Variants in RUNX2 observed in about 807,000 individuals in gnomAD.
RUNX2 encodes runt-related transcription factor 2.
In RUNX2, 10 loss-of-function variants were observed where a neutral mutation model predicts 51.7. The observed-to-expected ratio is 0.19, with a 90% CI of 0.12 to 0.33. RUNX2 has a LOEUF of 0.33. RUNX2 is among the 10% of genes least tolerant of loss of function. The probability of loss-of-function intolerance (pLI) is 1.00; values close to 1 mark genes in which losing one functional copy is unlikely to be tolerated. For missense variants in RUNX2, 562 were observed against 691.3 expected (o/e 0.81, Z 2.10); for synonymous variants, 276 against 273.6 (o/e 1.01, Z -0.09).
intron 2 of RUNX2, among the ~76,000 whole-genome samples, chr6:45,404,806 T>C (rs1797797931): frequency 6.6e-6 from 1 of 152,238 alleles, no homozygotes; most frequent in Non-Finnish European, 1.5e-5. Context: ...GCTCCCTTCA[T>C]GAATGTATTT....
At chr6:45,535,559 G>C (rs1300073687) in intron 7 of RUNX2, among the ~76,000 whole-genome samples, 1 of 151,520 alleles carries the variant, frequency 6.6e-6, no homozygotes, top group Non-Finnish European at 1.5e-5. Context: ...AGCCGAGATT[G>C]CGCCACTGCA....
chr6:45,372,551 G>C (rs1796230916), intron 2 of RUNX2, among the ~76,000 whole-genome samples: 1 of 152,056 alleles, frequency 6.6e-6, no homozygotes, highest in African/African-American at 2.4e-5. Context: ...ATTTATATTT[G>C]TATGTTATTT....
chr6:45,532,905 C>CT (rs10706582), intron 7 of RUNX2, among the ~76,000 whole-genome samples: 14,021 of 125,802 alleles, frequency 0.11, 943 homozygotes, highest in Non-Finnish European at 0.15. Flanking sequence ...AGACCGGGCT[C>CT]TTTTTTTTTT....
At chr6:45,433,684 ATATT>A (rs1179218762) in intron 4 of RUNX2, among the ~76,000 whole-genome samples, 3 of 152,182 alleles carry the variant, frequency 2.0e-5, no homozygotes, top group Admixed American at 1.3e-4. Flanking sequence ...AACCCTCAAC[ATATT>A]TATTTAAGAA....
intron 2 of RUNX2, among the ~76,000 whole-genome samples, chr6:45,380,307 A>T (rs1797207396): frequency 6.6e-6 from 1 of 152,242 alleles, no homozygotes. Context: ...ACATCAGGAG[A>T]CCAAGTTAAT....
chr6:45,497,482 A>G (rs1425122554), intron 6 of RUNX2, among the ~76,000 whole-genome samples: 3 of 152,020 alleles, frequency 2.0e-5, no homozygotes, highest in Non-Finnish European at 4.4e-5. Context: ...TTTTTATTTT[A>G]AATTAATATG....
chr6:45,485,989 C>G (rs1800273197), intron 5 of RUNX2, among the ~76,000 whole-genome samples: 2 of 151,920 alleles, frequency 1.3e-5, no homozygotes, highest in African/African-American at 4.8e-5. Context: ...GAATACAATA[C>G]TATCTACCCA....
intron 7 of RUNX2, among the ~76,000 whole-genome samples, chr6:45,518,783 T>C (rs1801411075): frequency 6.6e-6 from 1 of 152,214 alleles, no homozygotes; most frequent in Admixed American, 6.5e-5. Context: ...ATATATTTTA[T>C]TGAGGATTTG....
At chr6:45,400,815 A>G (rs1797701683) in intron 2 of RUNX2, among the ~76,000 whole-genome samples, 1 of 152,208 alleles carries the variant, frequency 6.6e-6, no homozygotes, top group African/African-American at 2.4e-5. Context: ...CTGCAAAACA[A>G]ACAACGTAAA....
chr6:45,406,640 A>C (rs1441765148), intron 2 of RUNX2, among the ~76,000 whole-genome samples: 4 of 152,314 alleles, frequency 2.6e-5, no homozygotes, highest in South Asian at 2.1e-4. Flanking sequence ...TCCTGGCCTC[A>C]AGTGATCCGC....
At chr6:45,351,219 T>C (rs933958393) in intron 2 of RUNX2, among the ~76,000 whole-genome samples, 23 of 152,062 alleles carry the variant, frequency 1.5e-4, no homozygotes, top group South Asian at 4.1e-4. Context: ...TGCTCTAAAT[T>C]AGTGAAAACA....
intron 2 of RUNX2, among the ~76,000 whole-genome samples, chr6:45,331,653 T>A (rs1419807388): frequency 6.6e-6 from 1 of 151,978 alleles, no homozygotes; most frequent in Non-Finnish European, 1.5e-5. Context: ...AGATTTTTAG[T>A]TTTTATTTTT....
chr6:45,428,838 CTTTTTTTTT>C (rs66878438), intron 3 of RUNX2, among the ~76,000 whole-genome samples: 1 of 131,070 alleles, frequency 7.6e-6, no homozygotes, highest in African/African-American at 2.8e-5. Flanking sequence ...GGGCAGATTG[CTTTTTTTTT>C]TTTTTTTTCG....
At chr6:45,330,375 G>C (rs1288851775) in intron 2 of RUNX2, among the ~76,000 whole-genome samples, 1 of 151,868 alleles carries the variant, frequency 6.6e-6, no homozygotes, top group South Asian at 2.1e-4. Context: ...AAAAAGAATA[G>C]TTAAAACTAC....
intron 2 of RUNX2, chr6:45,422,381 C>A: frequency 1.8e-6 from 1 of 551,854 alleles, no homozygotes; most frequent in Non-Finnish European, 3.2e-6. Context: ...GACTGCGCCG[C>A]ATCGCCAGAC....
At chr6:45,333,326 A>G (rs1787895834) in intron 2 of RUNX2, among the ~76,000 whole-genome samples, 1 of 151,576 alleles carries the variant, frequency 6.6e-6, no homozygotes, top group Non-Finnish European at 1.5e-5. Flanking sequence ...TGTCCATTCA[A>G]CAGCACATAC....
intron 7 of RUNX2, among the ~76,000 whole-genome samples, chr6:45,523,644 T>G (rs1025022330): frequency 1.3e-5 from 2 of 151,764 alleles, no homozygotes; most frequent in Non-Finnish European, 2.9e-5. Context: ...TCTTAGAAAA[T>G]AGATAACTAG....
chr6:45,422,143 G>A (rs2150361726), intron 2 of RUNX2: 1 of 156,344 alleles, frequency 6.4e-6, no homozygotes, highest in South Asian at 1.8e-4. Context: ...CCGGCCCCGG[G>A]GCTGGACTGC....
chr6:45,369,798 T>C (rs1296282282), intron 2 of RUNX2, among the ~76,000 whole-genome samples: 1 of 152,052 alleles, frequency 6.6e-6, no homozygotes, highest in Non-Finnish European at 1.5e-5. Flanking sequence ...ACAAATATAA[T>C]TTGAGGAAAT....
Sources: allele counts gnomAD v4.1 joint callset (sites outside exome capture counted in the v4.1 genomes callset), GRCh38; gene constraint gnomAD v4.1.1; transcripts MANE v1.5; gene names NCBI Gene and HGNC (gene_info 2026-07-23, HGNC 2026-07-21).